The following NCOR2 variants were observed in gnomAD, a reference collection of about 807,000 sequenced individuals.
NCOR2 encodes CTG repeat protein 26.
A neutral mutation model predicts 262.9 loss-of-function variants in NCOR2; 81 were observed. The ratio of observed to expected loss-of-function variants is 0.31; its 90% CI spans 0.26 to 0.37. The LOEUF (loss-of-function observed/expected upper bound fraction) is 0.37, where lower values mean the gene tolerates loss of function less well. Among genes scored for constraint, NCOR2 ranks in the 10% least tolerant of loss-of-function variants. The pLI, the probability that NCOR2 is intolerant of heterozygous loss-of-function variation, is 1.00. For missense variants in NCOR2, 3,385 were observed against 3,621.4 expected (o/e 0.93, Z 1.68); for synonymous variants, 1,659 against 1,559.3 (o/e 1.06, Z -1.51).
intron 6 of NCOR2, among the ~76,000 whole-genome samples, chr12:124,450,614 A>G (rs1395927098): frequency 6.6e-6 from 1 of 152,226 alleles, no homozygotes; most frequent in African/African-American, 2.4e-5. Flanking sequence ...CCCACACAGC[A>G]GTGAGAAAGG....
chr12:124,524,788 T>A (rs2050371492), intron 1 of NCOR2, among the ~76,000 whole-genome samples: 1 of 152,226 alleles, frequency 6.6e-6, no homozygotes, highest in African/African-American at 2.4e-5. Context: ...ATTCAGCTCT[T>A]GCCTCACCCA....
chr12:124,417,143 A>C (rs1459309390), intron 13 of NCOR2, among the ~76,000 whole-genome samples: 1 of 148,122 alleles, frequency 6.8e-6, no homozygotes, highest in Non-Finnish European at 1.5e-5. Flanking sequence ...CCAGACACTC[A>C]CTCCACGGAG....
intron 7 of NCOR2, among the ~76,000 whole-genome samples, chr12:124,448,432 G>A (rs996756794): frequency 6.6e-6 from 1 of 152,228 alleles, no homozygotes; most frequent in South Asian, 2.1e-4. Flanking sequence ...AGCCCAGGCT[G>A]CATCTGACAT....
At chr12:124,475,576 C>T (rs1263548495) in intron 3 of NCOR2, among the ~76,000 whole-genome samples, 3 of 152,372 alleles carry the variant, frequency 2.0e-5, no homozygotes, top group East Asian at 3.9e-4. Context: ...CAGCCACAGG[C>T]AACGGGGAAC....
rs148442929 is a variant in NCOR2 at position 124,375,673 on chromosome 12, G to C, written c.2168-1210C>G. Among the ~76,000 whole-genome samples, 537 of 152,244 alleles carry C rather than the reference G, an allele frequency of 3.5e-3. 4 individuals carry two copies. The highest frequency in any genetic ancestry group is 0.014 in the Middle Eastern group (4 of 294). On this transcript the variant is annotated intron_variant, in intron 18 of 46. Transcript: ENST00000405201. ...GAGGTCCCCAGTACCGGGCTGCCTG[G>C]GTTTGAACCCCGGTCACCAAATGCG...
exon 41 of NCOR2, chr12:124,334,485 G>A (rs751150087): frequency 6.8e-7 from 1 of 1,460,412 alleles, no homozygotes; most frequent in Non-Finnish European, 9.0e-7. Flanking sequence ...GGGGGCGGGA[G>A]GTAGAGGTCA....
At position 124,416,823 on chromosome 12, in the gene NCOR2, G is replaced by A. The variant is rs1027796731; in HGVS notation, c.1482+3134C>T. On this transcript the variant is annotated intron_variant, in intron 13 of 46. Transcript: ENST00000405201. ...AGACCCCGCAGCACAGATAGACCCC[G>A]CGGCACAGGGAGACCCCGTGGCCCA... 1.0e-4 allele frequency among the ~76,000 whole-genome samples: 15 copies of A among 149,678 alleles called. No homozygotes were observed. The East Asian group carries it at 2.0e-3, about 20-fold the overall frequency.
At position 124,482,119 on chromosome 12, in the gene NCOR2, G is replaced by A. The variant is rs555734503; in HGVS notation, c.411+1477C>T. On this transcript the variant is annotated intron_variant, in intron 3 of 46. Coordinates refer to ENST00000405201, the Ensembl canonical transcript of NCOR2. The surrounding 1 kb of genome is among the most constrained non-coding windows in gnomAD (Gnocchi z 6.3). Reference sequence around the variant, plus strand: ...GAGGTTCCTGAGTGGGCTCTCAGGCGCATGTGGTCTGTTGGCTAGGAGTTC... The same window carrying A: ...GAGGTTCCTGAGTGGGCTCTCAGGCACATGTGGTCTGTTGGCTAGGAGTTC... 9.9e-5 allele frequency among the ~76,000 whole-genome samples: 15 copies of A among 152,218 alleles called. No homozygotes were observed. Among genetic ancestry groups the A allele is most frequent in the Admixed American group, 3.9e-4 (6 of 15,296 alleles).
chr12:124,449,730 A>G (rs1822033505), intron 7 of NCOR2, 85 bp downstream of exon 9: 10 of 1,493,576 alleles, frequency 6.7e-6, no homozygotes, highest in Non-Finnish European at 8.3e-6. Context: ...CAGAGAGCCC[A>G]CGTCCCACAT....
chr12:124,372,321 T>C, exon 20 of NCOR2: 1 of 1,525,168 alleles, frequency 6.6e-7, no homozygotes, highest in African/African-American at 1.4e-5. Context: ...CCTCCTCCAC[T>C]GGGGGCGCTG....
chr12:124,465,955 T>C (rs1357754378), intron 5 of NCOR2, among the ~76,000 whole-genome samples: 1 of 152,152 alleles, frequency 6.6e-6, no homozygotes, highest in African/African-American at 2.4e-5. Flanking sequence ...TCCACACCCA[T>C]CTGAGTGTCT....
intron 4 of NCOR2, 45 bp from the exon 7 acceptor site, chr12:124,466,331 G>A (rs776517822): frequency 2.3e-5 from 36 of 1,567,470 alleles, no homozygotes; most frequent in South Asian, 3.4e-5. Context: ...CCCAGCGGGC[G>A]GAAGGAGGGC....
chr12:124,354,622 G>A (rs746291358), intron 25 of NCOR2, 40 bp from the exon 28 acceptor site: 1 of 1,469,720 alleles, frequency 6.8e-7, no homozygotes, highest in East Asian at 2.4e-5. Flanking sequence ...TGCTGCCGGA[G>A]CAGGGTCCCG....
chr12:124,330,973 C>T (rs1393116495), intron 43 of NCOR2, 75 bp from the exon 46 acceptor site: 7 of 1,491,616 alleles, frequency 4.7e-6, no homozygotes, highest in Non-Finnish European at 6.4e-6. Flanking sequence ...CCGTGTGGTC[C>T]AGGCCAGGTG....
intron 21 of NCOR2, among the ~76,000 whole-genome samples, chr12:124,363,181 C>A (rs1275019024): frequency 6.6e-6 from 1 of 152,262 alleles, no homozygotes; most frequent in East Asian, 1.9e-4. Context: ...GGACCACCAG[C>A]CTGGTCAGCT....
At chr12:124,383,453 G>A in intron 17 of NCOR2, 1 of 780,558 alleles carries the variant, frequency 1.3e-6, no homozygotes, top group Non-Finnish European at 1.7e-6. Flanking sequence ...TCAACAGGGT[G>A]CCTTAAGCAT....
At chr12:124,557,642 C>A (rs1423768383) in intron 1 of NCOR2, among the ~76,000 whole-genome samples, 1 of 152,144 alleles carries the variant, frequency 6.6e-6, no homozygotes, top group Non-Finnish European at 1.5e-5. Context: ...CACTGTCCAA[C>A]AACATGCAGC....
At chr12:124,562,433 GGAAGCAC>G (rs1163443774) in intron 1 of NCOR2, 1 of 152,200 alleles carries the variant, frequency 6.6e-6, no homozygotes, top group African/African-American at 2.4e-5. Flanking sequence ...CTTAACAAAT[GGAAGCAC>G]GATTCAAACC....
At chr12:124,342,862 G>C in intron 33 of NCOR2, 143 bp downstream of exon 35, 2 of 802,504 alleles carry the variant, frequency 2.5e-6, no homozygotes, top group Non-Finnish European at 3.9e-6. Flanking sequence ...TTACACTGTT[G>C]GGTCTTCCAA....
Sources: gnomAD v4.1 joint callset for allele counts (sites outside exome capture counted in the v4.1 genomes callset) on GRCh38, gnomAD v4.1.1 for gene constraint, Gnocchi (gnomAD v3.1) non-coding constraint, MANE v1.5 for transcripts, NCBI Gene and HGNC (gene_info 2026-07-23, HGNC 2026-07-21) for gene names.